Variants in ANKHD1 observed in about 807,000 individuals in gnomAD.
The protein encoded by ANKHD1 is ankyrin repeat and KH domain-containing protein 1.
Under a neutral mutation model 230.5 loss-of-function variants are expected in ANKHD1, and 31 were observed. The ratio of observed to expected loss-of-function variants is 0.13; its 90% CI spans 0.10 to 0.18. The LOEUF (loss-of-function observed/expected upper bound fraction) is 0.18. ANKHD1 is among the 10% of genes least tolerant of loss of function. The pLI is 1.00. For missense variants in ANKHD1, 2,256 were observed against 3,071.3 expected (o/e 0.73, Z 6.27); for synonymous variants, 1,074 against 1,117.6 (o/e 0.96, Z 0.78).
rs1203535583 is a variant in ANKHD1 at position 140,538,977 on chromosome 5, A to G, written c.7463A>G (p.Asp2488Gly). ...ATACCCTCTCATCCTCAGCTTGCTG[A>G]TGTTCCAGGAGGCCCTCTGTTTAAT... ...TIIPSHPQLA[D>G]VPGGPLFNGL... Residue 2488 changes from aspartate to glycine, a missense_variant, in exon 33 of 34, where the codon GAT becomes GGT. Physicochemically the swap from Asp to Gly is moderately conservative, Grantham distance 94. This residue lies in a region of ANKHD1 where 778 missense variants were observed against 966.5 expected (regional missense o/e 0.80). Coordinates refer to ENST00000360839, the MANE Select transcript of ANKHD1 (RefSeq NM_017747.3). 6.2e-7 allele frequency: 1 copy of G among 1,610,958 alleles called. No individual in the cohort carries two copies. Among genetic ancestry groups the G allele is most frequent in the Non-Finnish European group, 8.5e-7 (1 of 1,178,512 alleles).
intron 7 of ANKHD1, among the ~76,000 whole-genome samples, chr5:140,455,962 A>T (rs1376406732): frequency 6.6e-6 from 1 of 152,042 alleles, no homozygotes; most frequent in Non-Finnish European, 1.5e-5. Flanking sequence ...TATTTAGAAA[A>T]CCCCATCGTC....
intron 15 of ANKHD1, among the ~76,000 whole-genome samples, chr5:140,500,955 A>G (rs900503452): frequency 6.6e-6 from 1 of 152,120 alleles, no homozygotes; most frequent in Non-Finnish European, 1.5e-5. Context: ...CTTAAATTGT[A>G]ATTTTAAAGT....
chr5:140,447,282 A>C (rs1170901565), intron 6 of ANKHD1, among the ~76,000 whole-genome samples: 1 of 151,966 alleles, frequency 6.6e-6, no homozygotes, highest in African/African-American at 2.4e-5. Context: ...AGCTCACTGC[A>C]GCCTCAAACT....
At chr5:140,415,429 T>C (rs1446620521) in intron 1 of ANKHD1, among the ~76,000 whole-genome samples, 2 of 151,334 alleles carry the variant, frequency 1.3e-5, no homozygotes. Context: ...AATTTACGCC[T>C]TTGATACCTC....
intron 10 of ANKHD1, among the ~76,000 whole-genome samples, chr5:140,468,291 A>C (rs1776257022): frequency 6.6e-6 from 1 of 151,682 alleles, no homozygotes; most frequent in South Asian, 2.1e-4. Context: ...AAACAAAAAA[A>C]CAAAAACGTA....
intron 11 of ANKHD1, among the ~76,000 whole-genome samples, chr5:140,483,370 T>G (rs893935624): frequency 5.3e-5 from 8 of 152,068 alleles, no homozygotes; most frequent in African/African-American, 1.7e-4. Flanking sequence ...GGTTGTGTTA[T>G]GTTATTAAGA....
chr5:140,445,509 AAAAG>A (rs973307116), intron 5 of ANKHD1, among the ~76,000 whole-genome samples: 7 of 152,014 alleles, frequency 4.6e-5, no homozygotes, highest in Admixed American at 3.9e-4. Flanking sequence ...GTCTCAAAGA[AAAAG>A]AAAAGAAAAT....
chr5:140,518,533 TC>T (rs1247105386), intron 24 of ANKHD1, among the ~76,000 whole-genome samples: 2 of 150,142 alleles, frequency 1.3e-5, no homozygotes, highest in African/African-American at 4.9e-5. Context: ...GATGCAAAAA[TC>T]CTCAATAAAA....
intron 10 of ANKHD1, among the ~76,000 whole-genome samples, chr5:140,471,228 G>A (rs1776474697): frequency 6.6e-6 from 1 of 152,074 alleles, no homozygotes; most frequent in South Asian, 2.1e-4. Flanking sequence ...TCACTTTCCA[G>A]TCTTTTGTTT....
chr5:140,425,459 CT>C (rs1486022371), intron 1 of ANKHD1, among the ~76,000 whole-genome samples: 1 of 152,070 alleles, frequency 6.6e-6, no homozygotes, highest in Non-Finnish European at 1.5e-5. Context: ...GGGTTTCACC[CT>C]GTTGCCCAGG....
chr5:140,524,916 T>C, intron 25 of ANKHD1: 1 of 299,050 alleles, frequency 3.3e-6, no homozygotes, highest in Admixed American at 4.1e-5. Context: ...CTGACCAATA[T>C]GGTGAAACCC....
intron 1 of ANKHD1, among the ~76,000 whole-genome samples, chr5:140,412,856 G>A (rs1051658792): frequency 1.3e-5 from 2 of 152,184 alleles, no homozygotes; most frequent in African/African-American, 4.8e-5. Context: ...AGAAAGTAAG[G>A]TTGTATATAA....
chr5:140,444,079 TC>T (rs33957556), intron 5 of ANKHD1, among the ~76,000 whole-genome samples: 52,020 of 113,270 alleles, frequency 0.46, 11,809 homozygotes, highest in Middle Eastern at 0.61. Context: ...TGAGATGAAG[TC>T]CCCCCCCCCC....
At chr5:140,440,890 C>T in intron 4 of ANKHD1, 105 bp from the exon 5 acceptor site, 2 of 1,295,514 alleles carry the variant, frequency 1.5e-6, no homozygotes, top group South Asian at 5.5e-5. Context: ...GATTTTTTCC[C>T]ACCCCTATTC....
At chr5:140,486,886 T>A (rs915154786) in intron 13 of ANKHD1, 72 bp from the exon 14 acceptor site, 1 of 1,452,286 alleles carries the variant, frequency 6.9e-7, no homozygotes, top group South Asian at 1.4e-5. Flanking sequence ...TAAAACAGGA[T>A]ATCTGTTTCA....
chr5:140,487,086 A>C, intron 14 of ANKHD1, 26 bp downstream of exon 14: 4 of 1,599,046 alleles, frequency 2.5e-6, no homozygotes, highest in Non-Finnish European at 3.4e-6. Context: ...ATTTTTCTTA[A>C]AATGGGTATT....
At chr5:140,503,784 C>G (rs1431543393) in intron 15 of ANKHD1, among the ~76,000 whole-genome samples, 1 of 151,514 alleles carries the variant, frequency 6.6e-6, no homozygotes, top group Non-Finnish European at 1.5e-5. Context: ...CCAGGCTGGT[C>G]CTGAACTCCC....
At chr5:140,503,163 G>A (rs1347651216) in intron 15 of ANKHD1, among the ~76,000 whole-genome samples, 1 of 152,046 alleles carries the variant, frequency 6.6e-6, no homozygotes, top group Non-Finnish European at 1.5e-5. Flanking sequence ...TTTTCTTTAA[G>A]TCCTACGTGT....
chr5:140,478,524 G>A (rs1751090984), intron 10 of ANKHD1, among the ~76,000 whole-genome samples: 1 of 152,016 alleles, frequency 6.6e-6, no homozygotes, highest in African/African-American at 2.4e-5. Context: ...TATCAAAATT[G>A]ACTCTAGAAT....
Sources: allele counts gnomAD v4.1 joint callset (sites outside exome capture counted in the v4.1 genomes callset), GRCh38; gene constraint gnomAD v4.1.1; regional missense constraint gnomAD v4.1.1; transcripts MANE v1.5; gene names NCBI Gene and HGNC (gene_info 2026-07-23, HGNC 2026-07-21).